Variants in GALNT13 observed in about 807,000 individuals in gnomAD.
GALNT13 encodes polypeptide N-acetylgalactosaminyltransferase 13, also known as UDP-GalNAc:polypeptide N-acetylgalactosaminyltransferase 13.
Under a neutral mutation model 64.2 loss-of-function variants are expected in GALNT13, and 28 were observed. The observed-to-expected ratio is 0.44, with a 90% confidence interval of 0.32 to 0.60. The LOEUF is 0.60. GALNT13 is among the 20% of genes least tolerant of loss of function. GALNT13 has a pLI of 0.05. For synonymous variants in GALNT13, 214 were observed against 224.6 expected, an observed-to-expected ratio of 0.95 and a Z score of 0.42; for missense variants, 577 against 669.8, an observed-to-expected ratio of 0.86 and a Z score of 1.53.
At chr2:153,688,991 G>GGT in the GALNT13 span, among the ~76,000 whole-genome samples, 6,961 of 130,026 alleles carry the variant, frequency 0.054, 174 homozygotes, top group African/African-American at 0.076. Flanking sequence ...TAGAGGTAGG[G>GGT]GTGTGTGTGT....
chr2:154,036,322 C>T (rs546368882), intron 3 of GALNT13, among the ~76,000 whole-genome samples: 4 of 152,160 alleles, frequency 2.6e-5, no homozygotes, highest in South Asian at 2.1e-4. Flanking sequence ...TTGCCTAGAA[C>T]GTAAACCACA....
chr2:153,857,511 G>A, the GALNT13 span, among the ~76,000 whole-genome samples: 2 of 152,090 alleles, frequency 1.3e-5, no homozygotes, highest in African/African-American at 4.8e-5. Context: ...AGAAGCAACA[G>A]GGCCAAAGCA....
At chr2:154,144,702 G>A (rs948529114) in intron 4 of GALNT13, among the ~76,000 whole-genome samples, 8 of 152,104 alleles carry the variant, frequency 5.3e-5, no homozygotes, top group South Asian at 2.1e-4. Context: ...ATTGGAAAAC[G>A]TATTCGGGGA....
At chr2:154,164,992 G>A (rs542161486) in intron 4 of GALNT13, among the ~76,000 whole-genome samples, 14 of 152,040 alleles carry the variant, frequency 9.2e-5, no homozygotes, top group African/African-American at 2.7e-4. Flanking sequence ...TCTTTAATAC[G>A]TTAAGAAACA....
intron 3 of GALNT13, among the ~76,000 whole-genome samples, chr2:154,109,237 A>G (rs1702793901): frequency 6.6e-6 from 1 of 151,960 alleles, no homozygotes; most frequent in Non-Finnish European, 1.5e-5. Flanking sequence ...GTTTTAGTAT[A>G]CTGATTTTTC....
At chr2:154,242,231 T>G in intron 5 of GALNT13, 35 bp downstream of exon 5, 1 of 1,547,872 alleles carries the variant, frequency 6.5e-7, no homozygotes, top group South Asian at 1.2e-5. Flanking sequence ...TTTTTGTTTT[T>G]TTGTTTTGTT....
At chr2:154,048,632 T>C (rs924834703) in intron 3 of GALNT13, among the ~76,000 whole-genome samples, 2 of 152,116 alleles carry the variant, frequency 1.3e-5, no homozygotes, top group East Asian at 3.9e-4. Flanking sequence ...AATTAGAATG[T>C]ATAGCCATGA....
At chr2:153,592,054 G>T in the GALNT13 span, among the ~76,000 whole-genome samples, 1 of 144,782 alleles carries the variant, frequency 6.9e-6, no homozygotes, top group African/African-American at 2.7e-5. Context: ...ACTGACAAAT[G>T]GTTAACAGAT....
chr2:154,232,703 T>C (rs1414488873), intron 4 of GALNT13, among the ~76,000 whole-genome samples: 1 of 152,048 alleles, frequency 6.6e-6, no homozygotes, highest in Non-Finnish European at 1.5e-5. Flanking sequence ...CTTAACTGAT[T>C]GGAACATCAG....
the GALNT13 span, among the ~76,000 whole-genome samples, chr2:153,758,063 T>C: frequency 6.6e-6 from 1 of 152,182 alleles, no homozygotes; most frequent in Non-Finnish European, 1.5e-5. Context: ...TCCAGACAAT[T>C]GTTGTATAGT....
chr2:154,186,106 T>C (rs1686234844), intron 4 of GALNT13, among the ~76,000 whole-genome samples: 1 of 152,082 alleles, frequency 6.6e-6, no homozygotes, highest in African/African-American at 2.4e-5. Context: ...AGGTGAATGA[T>C]ACAAGTATTC....
intron 3 of GALNT13, among the ~76,000 whole-genome samples, chr2:153,969,000 A>G (rs2105119817): frequency 6.6e-6 from 1 of 152,020 alleles, no homozygotes; most frequent in Admixed American, 6.6e-5. Flanking sequence ...ATCTGTATAT[A>G]TTTTTATTTA....
At chr2:153,332,031 C>A in the GALNT13 span, among the ~76,000 whole-genome samples, 236 of 152,160 alleles carry the variant, frequency 1.6e-3, no homozygotes, top group Non-Finnish European at 2.5e-3. Context: ...GTTGTAATGT[C>A]ACTTGTGCCA....
At chr2:153,594,592 C>A in the GALNT13 span, among the ~76,000 whole-genome samples, 1 of 151,990 alleles carries the variant, frequency 6.6e-6, no homozygotes, top group Non-Finnish European at 1.5e-5. Flanking sequence ...AACTCTAATA[C>A]CTTTACCTTT....
the GALNT13 span, among the ~76,000 whole-genome samples, chr2:153,825,966 G>A: frequency 1.3e-5 from 2 of 152,104 alleles, no homozygotes; most frequent in East Asian, 3.9e-4. Flanking sequence ...CTCTGCATCA[G>A]CAGCTTTCTC....
At chr2:153,809,987 G>C in the GALNT13 span, among the ~76,000 whole-genome samples, 1 of 152,112 alleles carries the variant, frequency 6.6e-6, no homozygotes, top group South Asian at 2.1e-4. Context: ...TTTTGAGACA[G>C]AGTTGCTCTG....
At chr2:153,091,856 G>A in the GALNT13 span, among the ~76,000 whole-genome samples, 4 of 152,150 alleles carry the variant, frequency 2.6e-5, no homozygotes, top group South Asian at 2.1e-4. Context: ...ATGTGATCCC[G>A]TTTGTCCATT....
intron 3 of GALNT13, among the ~76,000 whole-genome samples, chr2:154,001,348 T>C (rs1017313168): frequency 2.6e-5 from 4 of 151,972 alleles, no homozygotes; most frequent in Non-Finnish European, 2.9e-5. Flanking sequence ...TCTGTTGTTC[T>C]TTTTTTGATC....
the GALNT13 span, among the ~76,000 whole-genome samples, chr2:153,657,007 C>G: frequency 0.21 from 32,020 of 151,976 alleles, 4,250 homozygotes; most frequent in Middle Eastern, 0.44. Context: ...TGAGGGACCA[C>G]ATGCTGATGA....
Sources: allele counts gnomAD v4.1 joint callset (sites outside exome capture counted in the v4.1 genomes callset), GRCh38; gene constraint gnomAD v4.1.1; transcripts MANE v1.5; gene names NCBI Gene and HGNC (gene_info 2026-07-23, HGNC 2026-07-21).